Variants in RGS22 observed in about 807,000 individuals in gnomAD.
RGS22 encodes the protein regulator of G-protein signaling 22.
Under a neutral mutation model 172.9 loss-of-function variants are expected in RGS22, and 148 were observed. The observed-to-expected ratio is 0.86, with a 90% CI of 0.75 to 0.98. The LOEUF is 0.98. Among genes scored for constraint, RGS22 ranks in the 50% least tolerant of loss-of-function variants. The pLI is 0.00. For missense variants in RGS22, 1,347 were observed against 1,440.8 expected, an observed-to-expected ratio of 0.93 and a Z score of 1.05; for synonymous variants, 458 against 480.2, an observed-to-expected ratio of 0.95 and a Z score of 0.60.
intron 21 of RGS22, among the ~76,000 whole-genome samples, chr8:99,986,519 A>T (rs913978253): frequency 4.7e-4 from 72 of 152,194 alleles, no homozygotes; most frequent in African/African-American, 1.7e-3. Flanking sequence ...CTCTGGGAGC[A>T]TTTAAGCAAA....
At chr8:100,020,921 C>A (rs1406204105) in intron 14 of RGS22, among the ~76,000 whole-genome samples, 1 of 152,194 alleles carries the variant, frequency 6.6e-6, no homozygotes, top group Non-Finnish European at 1.5e-5. Flanking sequence ...CACATCTCTT[C>A]CCAACTCTGC....
Position 100,063,750 on chromosome 8 carries a change from G to A in RGS22, c.1018C>T (p.Pro340Ser), listed in dbSNP as rs759720638. The A allele has an allele frequency of 6.2e-7, 1 of 1,613,840 alleles. No individual in the cohort carries two copies. The highest frequency in any genetic ancestry group is 1.3e-5 in the African/African-American group (1 of 74,900). Reference sequence around the variant, plus strand: ...ATATTGTTGAAGTTTATATAGTCTGGGGTTTCTCCAACTGGCTTTCCAACA... The same window carrying A: ...ATATTGTTGAAGTTTATATAGTCTGAGGTTTCTCCAACTGGCTTTCCAACA... ...QIVGKPVGET[P>S]DYINFNNITK... The change falls in exon 8 of 28, where the codon CCA (proline) becomes TCA (serine). Residue 340 changes from proline (P) to serine (S), a missense_variant. Physicochemically the swap from Pro to Ser is moderately conservative, Grantham distance 74. Transcript: ENST00000360863.
intron 23 of RGS22, among the ~76,000 whole-genome samples, chr8:99,977,287 T>TA: frequency 6.8e-6 from 1 of 148,016 alleles, no homozygotes; most frequent in African/African-American, 2.5e-5. Context: ...TTTTTTTTTT[T>TA]TTTTTTTTGT....
chr8:99,990,592 C>T (rs2061565), intron 20 of RGS22, among the ~76,000 whole-genome samples: 48,154 of 152,026 alleles, frequency 0.32, 8,797 homozygotes, highest in Non-Finnish European at 0.42. Context: ...GTCACTGAAA[C>T]GTGGGTCAGA....
chr8:100,051,446 T>G (rs1461591181), intron 10 of RGS22, among the ~76,000 whole-genome samples: 2 of 91,576 alleles, frequency 2.2e-5, no homozygotes, highest in Non-Finnish European at 4.1e-5. Flanking sequence ...ATATATTTAT[T>G]TATATTATAT....
intron 23 of RGS22, among the ~76,000 whole-genome samples, chr8:99,968,292 G>C (rs1810971152): frequency 6.6e-6 from 1 of 152,120 alleles, no homozygotes; most frequent in South Asian, 2.1e-4. Context: ...GCACAAAAAG[G>C]CTGAAAATTC....
intron 7 of RGS22, among the ~76,000 whole-genome samples, chr8:100,064,958 G>T (rs148780966): frequency 1.6e-4 from 25 of 152,240 alleles, no homozygotes; most frequent in African/African-American, 4.3e-4. Context: ...GGGATTATTT[G>T]TATGCTTTTT....
At chr8:100,044,436 G>A (rs988329737) in intron 11 of RGS22, among the ~76,000 whole-genome samples, 1 of 152,022 alleles carries the variant, frequency 6.6e-6, no homozygotes, top group Non-Finnish European at 1.5e-5. Flanking sequence ...TAGTAGAGAC[G>A]GGGTTTCACC....
At chr8:100,071,277 A>G in intron 6 of RGS22, 92 bp downstream of exon 6, 1 of 1,130,252 alleles carries the variant, frequency 8.8e-7, no homozygotes, top group Non-Finnish European at 1.2e-6. Context: ...ACAGAGTGAG[A>G]TCCTGTCTCA....
chr8:100,029,380 G>A (rs1284539990), intron 14 of RGS22, among the ~76,000 whole-genome samples: 1 of 152,030 alleles, frequency 6.6e-6, no homozygotes, highest in Non-Finnish European at 1.5e-5. Flanking sequence ...ACTATAACAC[G>A]TTTAAAATGA....
At position 100,003,994 on chromosome 8, in the gene RGS22, A is replaced by G. The variant is rs535280877; in HGVS notation, c.2559T>C (p.Phe853=). 18 of 1,612,458 alleles carry G rather than the reference A, an allele frequency of 1.1e-5. No homozygotes were observed. The African/African-American group carries it at 2.4e-4, about 21-fold the overall frequency. The change falls in exon 17 of 28, where the codon TTT becomes TTC. Residue 853 remains phenylalanine, a synonymous_variant. Coordinates refer to ENST00000360863, the MANE Select transcript of RGS22 (RefSeq NM_015668.5). ...NVPAEYKHFK[F]SDLLNNKLEF... ...CCAGTTTGTTGTTAAGCAGATCACT[A>G]AACTTAAAATGCTTGTATTCTGCAG...
chr8:100,008,309 A>G, intron 15 of RGS22, 66 bp downstream of exon 15: 3 of 1,465,820 alleles, frequency 2.0e-6, no homozygotes, highest in Non-Finnish European at 2.8e-6. Context: ...AAGTGCTGGG[A>G]TAACAGGCGT....
chr8:100,041,690 G>T, intron 12 of RGS22, 112 bp downstream of exon 12: 1 of 600,080 alleles, frequency 1.7e-6, no homozygotes, highest in Non-Finnish European at 2.9e-6. Flanking sequence ...AATCAAATGT[G>T]TTGCTTAGTA....
At chr8:99,996,604 T>G in intron 19 of RGS22, 74 bp from the exon 20 acceptor site, 1 of 1,203,704 alleles carries the variant, frequency 8.3e-7, no homozygotes, top group South Asian at 1.3e-5. Context: ...ATTAAGTAGC[T>G]AAAAAAATGA....
Position 100,080,231 on chromosome 8 carries a change from A to G in RGS22, c.242T>C (p.Ile81Thr). The change falls in exon 4 of 28, where the codon ATT (isoleucine) becomes ACT (threonine). Residue 81 changes from isoleucine to threonine, a missense_variant. Ile to Thr is a moderately conservative substitution (Grantham distance 89, BLOSUM62 -1). Coordinates refer to ENST00000360863, the MANE Select transcript of RGS22 (RefSeq NM_015668.5). ...ILQNQQPRNP[I>T]YDVVRKGKNE... ...CTTTCCTTTCCTTACAACATCATAA[A>G]TGGGATTTCGAGGTTGCTGGTTTTG... 1 of 1,613,740 alleles carries G rather than the reference A, an allele frequency of 6.2e-7. No homozygotes were observed. Among genetic ancestry groups the G allele is most frequent in the Non-Finnish European group, 8.5e-7 (1 of 1,179,698 alleles).
At chr8:99,996,622 G>C (rs1307909305) in intron 19 of RGS22, 92 bp from the exon 20 acceptor site, 1 of 1,067,692 alleles carries the variant, frequency 9.4e-7, no homozygotes, top group East Asian at 2.4e-5. Context: ...TGAGATAAAG[G>C]TTAACTTGGA....
chr8:99,970,926 A>G (rs1811271190), intron 23 of RGS22, among the ~76,000 whole-genome samples: 1 of 152,216 alleles, frequency 6.6e-6, no homozygotes, highest in African/African-American at 2.4e-5. Context: ...ACACAACAAA[A>G]AAGAAAATTT....
At chr8:100,026,954 G>A (rs1818245987) in intron 14 of RGS22, among the ~76,000 whole-genome samples, 1 of 152,210 alleles carries the variant, frequency 6.6e-6, no homozygotes, top group Non-Finnish European at 1.5e-5. Flanking sequence ...ACCTGGTCGG[G>A]CATGGTGGCT....
At chr8:100,084,397 G>A (rs767805291) in intron 3 of RGS22, among the ~76,000 whole-genome samples, 11 of 152,056 alleles carry the variant, frequency 7.2e-5, no homozygotes, top group Non-Finnish European at 1.0e-4. Flanking sequence ...AGTGAGGAGA[G>A]GAACTGGTCA....
Sources: gnomAD v4.1 joint callset for allele counts (sites outside exome capture counted in the v4.1 genomes callset) on GRCh38, gnomAD v4.1.1 for gene constraint, MANE v1.5 for transcripts, NCBI Gene and HGNC (gene_info 2026-07-23, HGNC 2026-07-21) for gene names.